SGCZ: variants seen among roughly 807,000 people sequenced by gnomAD.
SGCZ encodes the protein zeta-sarcoglycan.
In SGCZ, 40 loss-of-function variants were observed where a neutral mutation model predicts 41.3. The ratio of observed to expected loss-of-function variants is 0.97; its 90% CI spans 0.75 to 1.26. The LOEUF (loss-of-function observed/expected upper bound fraction) is 1.26. Ranked by LOEUF, SGCZ falls within the 50% of genes most tolerant of loss-of-function variation. The probability of loss-of-function intolerance (pLI) is 0.00; values close to 1 mark genes in which losing one functional copy is unlikely to be tolerated. For synonymous variants in SGCZ, 206 were observed against 137.5 expected, an observed-to-expected ratio of 1.50 and a Z score of -3.49; for missense variants, 552 against 369.8, an observed-to-expected ratio of 1.49 and a Z score of -4.04.
At chr8:14,322,023 G>C (rs1298017508) in intron 3 of SGCZ, among the ~76,000 whole-genome samples, 1 of 152,092 alleles carries the variant, frequency 6.6e-6, no homozygotes. Context: ...ATCATAATGT[G>C]AGAGGTGCTT....
intron 1 of SGCZ, among the ~76,000 whole-genome samples, chr8:15,079,096 A>G (rs1246819299): frequency 2.0e-5 from 3 of 152,142 alleles, no homozygotes; most frequent in Non-Finnish European, 4.4e-5. Flanking sequence ...TCTAGCCTCT[A>G]AAAGATCCGT....
intron 1 of SGCZ, among the ~76,000 whole-genome samples, chr8:15,025,053 A>T (rs7388537): frequency 0.93 from 141,956 of 152,008 alleles, 67,011 homozygotes; most frequent in East Asian, 1. Context: ...CAGTAACTTA[A>T]AATACTCTCT....
At chr8:15,104,885 G>T (rs946332948) in intron 1 of SGCZ, among the ~76,000 whole-genome samples, 2 of 152,084 alleles carry the variant, frequency 1.3e-5, no homozygotes, top group African/African-American at 4.8e-5. Flanking sequence ...GTATACATTT[G>T]TCTTAAAACT....
intron 2 of SGCZ, among the ~76,000 whole-genome samples, chr8:14,401,483 T>G (rs1240711176): frequency 8.3e-5 from 11 of 132,058 alleles, no homozygotes; most frequent in African/African-American, 3.2e-4. Flanking sequence ...TTCCCCTTCC[T>G]GTGTCCACGT....
chr8:15,105,520 G>C (rs576106258), intron 1 of SGCZ, among the ~76,000 whole-genome samples: 3 of 152,130 alleles, frequency 2.0e-5, no homozygotes, highest in African/African-American at 7.2e-5. Flanking sequence ...AGCTAAGGCC[G>C]AAGTGATACC....
chr8:15,140,314 C>A (rs757296810), intron 1 of SGCZ, among the ~76,000 whole-genome samples: 5 of 152,074 alleles, frequency 3.3e-5, no homozygotes, highest in Admixed American at 1.3e-4. Flanking sequence ...TATGAGCCAC[C>A]GTGCCCAGTC....
At chr8:14,756,021 T>C (rs1234232497) in intron 1 of SGCZ, among the ~76,000 whole-genome samples, 1 of 151,676 alleles carries the variant, frequency 6.6e-6, no homozygotes, top group African/African-American at 2.4e-5. Flanking sequence ...CTAAGAAGAG[T>C]GAAAAAACAA....
At chr8:14,568,417 T>C (rs1804446773) in intron 1 of SGCZ, among the ~76,000 whole-genome samples, 1 of 143,390 alleles carries the variant, frequency 7.0e-6, no homozygotes, top group Admixed American at 7.3e-5. Context: ...GAATTGATCG[T>C]TTTGAAAAAA....
intron 2 of SGCZ, among the ~76,000 whole-genome samples, chr8:14,448,477 C>G (rs1007577595): frequency 7.2e-5 from 11 of 152,096 alleles, no homozygotes; most frequent in African/African-American, 2.7e-4. Flanking sequence ...GAATTGAGAG[C>G]AGAAATGTAA....
chr8:14,185,801 C>G (rs551871814), intron 4 of SGCZ, among the ~76,000 whole-genome samples: 2 of 152,276 alleles, frequency 1.3e-5, no homozygotes, highest in Admixed American at 1.3e-4. Context: ...AAGTCTCCAG[C>G]ACAAAAGAAA....
chr8:15,022,844 A>G (rs1332061613), intron 1 of SGCZ, among the ~76,000 whole-genome samples: 2 of 152,230 alleles, frequency 1.3e-5, no homozygotes, highest in Non-Finnish European at 2.9e-5. Context: ...TGCAAGAATT[A>G]CTATTTTCTA....
chr8:14,290,430 C>A (rs1265306778), intron 3 of SGCZ, among the ~76,000 whole-genome samples: 2 of 152,052 alleles, frequency 1.3e-5, no homozygotes, highest in East Asian at 3.9e-4. Context: ...TATTTGACAA[C>A]TGCACATCTT....
chr8:14,967,792 A>C (rs1801168545), intron 1 of SGCZ, among the ~76,000 whole-genome samples: 1 of 152,176 alleles, frequency 6.6e-6, no homozygotes. Flanking sequence ...CAAAGTAGAC[A>C]TTCAAGGAAA....
At chr8:14,420,406 T>C (rs1799607826) in intron 2 of SGCZ, among the ~76,000 whole-genome samples, 1 of 152,248 alleles carries the variant, frequency 6.6e-6, no homozygotes, top group East Asian at 1.9e-4. Context: ...TCAACTCTTA[T>C]AATCTTAGCT....
chr8:15,032,043 C>T (rs188926362), intron 1 of SGCZ, among the ~76,000 whole-genome samples: 15 of 152,034 alleles, frequency 9.9e-5, no homozygotes, highest in African/African-American at 3.4e-4. Flanking sequence ...TACTCAAATC[C>T]CCTTGTCTAT....
At chr8:14,473,624 T>C (rs1801272314) in intron 2 of SGCZ, among the ~76,000 whole-genome samples, 1 of 152,054 alleles carries the variant, frequency 6.6e-6, no homozygotes, top group Non-Finnish European at 1.5e-5. Context: ...ACTGAAATCT[T>C]ATATGTCAAC....
At chr8:14,715,499 C>T (rs764037920) in intron 1 of SGCZ, among the ~76,000 whole-genome samples, 11 of 151,270 alleles carry the variant, frequency 7.3e-5, no homozygotes, top group Non-Finnish European at 1.5e-4. Flanking sequence ...AAAACTAGAG[C>T]CCAAGTATGG....
At chr8:14,963,328 T>C (rs1801024369) in intron 1 of SGCZ, among the ~76,000 whole-genome samples, 1 of 133,450 alleles carries the variant, frequency 7.5e-6, no homozygotes, top group Non-Finnish European at 1.6e-5. Context: ...AAATTCATTT[T>C]CTTTTTCTTC....
intron 3 of SGCZ, among the ~76,000 whole-genome samples, chr8:14,276,078 T>A (rs62500228): frequency 2.5e-4 from 38 of 152,154 alleles, no homozygotes; most frequent in Non-Finnish European, 5.1e-4. Context: ...TGCTTCTTCC[T>A]TGGGGGAGAG....
Sources: gnomAD v4.1 joint callset for allele counts (sites outside exome capture counted in the v4.1 genomes callset) on GRCh38, gnomAD v4.1.1 for gene constraint, MANE v1.5 for transcripts, NCBI Gene and HGNC (gene_info 2026-07-23, HGNC 2026-07-21) for gene names.